SMYD3: variants seen among roughly 807,000 people sequenced by gnomAD.
SMYD3 encodes the protein histone-lysine N-methyltransferase SMYD3.
In SMYD3, 36 loss-of-function variants were observed where a neutral mutation model predicts 57.7. That is an observed-to-expected ratio of 0.62 (90% CI 0.48 to 0.82). SMYD3 has a LOEUF of 0.82. SMYD3 is among the 40% of genes least tolerant of loss of function. SMYD3 has a pLI of 0.00. For synonymous variants in SMYD3, 211 were observed against 195.0 expected (o/e 1.08, Z -0.68); for missense variants, 515 against 538.8 (o/e 0.96, Z 0.44).
chr1:245,997,374 C>T (rs6670353), intron 5 of SMYD3, among the ~76,000 whole-genome samples: 20,353 of 152,240 alleles, frequency 0.13, 1,397 homozygotes, highest in South Asian at 0.23. Flanking sequence ...CATTGAGCAT[C>T]TACTGAGCTG....
intron 5 of SMYD3, among the ~76,000 whole-genome samples, chr1:245,969,777 C>A (rs1313259697): frequency 6.6e-6 from 1 of 152,108 alleles, no homozygotes; most frequent in Non-Finnish European, 1.5e-5. Flanking sequence ...TTTGACATAC[C>A]ACTAAGTCTT....
intron 5 of SMYD3, among the ~76,000 whole-genome samples, chr1:245,978,122 G>C (rs144080003): frequency 1.3e-5 from 2 of 152,168 alleles, no homozygotes; most frequent in South Asian, 2.1e-4. Context: ...ATGGGCAGAA[G>C]GAATCGTGAA....
At chr1:245,892,060 C>T (rs752606033) in intron 8 of SMYD3, among the ~76,000 whole-genome samples, 17 of 151,888 alleles carry the variant, frequency 1.1e-4, no homozygotes, top group Non-Finnish European at 2.5e-4. Flanking sequence ...GAAAGAAAAA[C>T]ACCAACCACC....
At chr1:246,133,094 AC>A (rs1331135898) in intron 5 of SMYD3, among the ~76,000 whole-genome samples, 3 of 152,106 alleles carry the variant, frequency 2.0e-5, no homozygotes, top group Non-Finnish European at 4.4e-5. Flanking sequence ...TCTTAAAAAA[AC>A]ATAAAAATAA....
At chr1:246,243,149 C>T (rs1255701091) in intron 5 of SMYD3, among the ~76,000 whole-genome samples, 3 of 152,128 alleles carry the variant, frequency 2.0e-5, no homozygotes, top group Non-Finnish European at 4.4e-5. Flanking sequence ...ACAGAATATA[C>T]ATTCTTCTCA....
chr1:245,966,176 C>T (rs1421273182), intron 5 of SMYD3, among the ~76,000 whole-genome samples: 9 of 152,080 alleles, frequency 5.9e-5, no homozygotes, highest in Non-Finnish European at 5.9e-5. Context: ...CCTTCTCTCT[C>T]TCTCTTTCTT....
chr1:245,846,853 C>T (rs765949983), intron 10 of SMYD3, among the ~76,000 whole-genome samples: 44 of 152,310 alleles, frequency 2.9e-4, no homozygotes, highest in Non-Finnish European at 4.7e-4. Context: ...GAGGACATTA[C>T]GGTGCTATTT....
intron 5 of SMYD3, among the ~76,000 whole-genome samples, chr1:246,225,824 T>A (rs999469684): frequency 6.6e-6 from 1 of 152,180 alleles, no homozygotes; most frequent in Non-Finnish European, 1.5e-5. Context: ...ATATTCTTCA[T>A]TTTTAAAAAT....
chr1:246,040,126 C>T (rs960417549), intron 5 of SMYD3, among the ~76,000 whole-genome samples: 1 of 152,184 alleles, frequency 6.6e-6, no homozygotes, highest in African/African-American at 2.4e-5. Context: ...ATAGCATTCA[C>T]TTTTCAAATA....
intron 10 of SMYD3, among the ~76,000 whole-genome samples, chr1:245,781,682 TAAAGAA>T (rs958232888): frequency 1.2e-4 from 19 of 152,262 alleles, no homozygotes; most frequent in African/African-American, 4.3e-4. Context: ...TAGCGACCAT[TAAAGAA>T]AATATGTCTG....
intron 5 of SMYD3, among the ~76,000 whole-genome samples, chr1:246,195,487 G>C (rs576233111): frequency 6.6e-6 from 1 of 152,074 alleles, no homozygotes; most frequent in East Asian, 1.9e-4. Flanking sequence ...ACATCATTCT[G>C]TCAGTTTCAG....
At chr1:245,853,545 C>T (rs987694051) in intron 10 of SMYD3, among the ~76,000 whole-genome samples, 2 of 152,148 alleles carry the variant, frequency 1.3e-5, no homozygotes, top group Admixed American at 6.5e-5. Flanking sequence ...GGTCTTCCCA[C>T]TATAACATGT....
At chr1:245,928,699 T>C (rs1050257891) in intron 6 of SMYD3, among the ~76,000 whole-genome samples, 3 of 151,982 alleles carry the variant, frequency 2.0e-5, no homozygotes, top group African/African-American at 4.8e-5. Context: ...TCAGACATAA[T>C]GGGATGCAGC....
intron 11 of SMYD3, among the ~76,000 whole-genome samples, chr1:245,752,081 C>T (rs927854086): frequency 1.3e-5 from 2 of 152,218 alleles, no homozygotes; most frequent in African/African-American, 2.4e-5. Context: ...TGTGACAGCA[C>T]GATTGCGGAA....
intron 5 of SMYD3, among the ~76,000 whole-genome samples, chr1:246,286,879 T>TG (rs1553326739): frequency 0.026 from 3,831 of 146,732 alleles, 76 homozygotes; most frequent in Non-Finnish European, 0.04. Context: ...TCTTTTTTTT[T>TG]GTTTTTTTTT....
At chr1:246,282,335 A>AAAAAAGC (rs2064466174) in intron 5 of SMYD3, among the ~76,000 whole-genome samples, 1 of 129,616 alleles carries the variant, frequency 7.7e-6, no homozygotes, top group Non-Finnish European at 1.7e-5. Context: ...AAAAAAAAAA[A>AAAAAAGC]AAAAAGCAAA....
At chr1:246,383,188 C>G (rs192976244) in intron 1 of SMYD3, among the ~76,000 whole-genome samples, 2 of 152,374 alleles carry the variant, frequency 1.3e-5, no homozygotes, top group Admixed American at 6.5e-5. Context: ...GGCAAATTAC[C>G]TTACAGGCAT....
Position 245,816,325 on chromosome 1 carries a change from G to A in SMYD3, c.1076+42171C>T, listed in dbSNP as rs113150139. Among the ~76,000 whole-genome samples the A allele has an allele frequency of 5.1e-3, 769 of 152,056 alleles. 2 individuals carry two copies. The highest frequency in any genetic ancestry group is 8.8e-3 in the Non-Finnish European group (599 of 67,974). On this transcript the variant is annotated intron_variant, in intron 10 of 11. Coordinates refer to ENST00000490107, the MANE Select transcript of SMYD3 (RefSeq NM_001167740.2). ...CTAGGGGGTGGACAGTGCCATTACTGTATCAATCAGGCCAAGGAGTGGGGC... is the reference window on the plus strand; with the variant it reads ...CTAGGGGGTGGACAGTGCCATTACTATATCAATCAGGCCAAGGAGTGGGGC...
intron 5 of SMYD3, chr1:246,109,827 T>A (rs922152879): frequency 6.6e-6 from 1 of 152,210 alleles, no homozygotes; most frequent in African/African-American, 2.4e-5. Flanking sequence ...CCAGTCTTAC[T>A]ATGAGGATGT....
Sources: gnomAD v4.1 joint callset for allele counts (sites outside exome capture counted in the v4.1 genomes callset) on GRCh38, gnomAD v4.1.1 for gene constraint, MANE v1.5 for transcripts, NCBI Gene and HGNC (gene_info 2026-07-23, HGNC 2026-07-21) for gene names.